The following KCNG2 variants were observed in gnomAD, a reference collection of about 807,000 sequenced individuals.
KCNG2 encodes the protein potassium voltage-gated channel modifier subfamily G member 2.
Under a neutral mutation model 12.3 loss-of-function variants are expected in KCNG2, and 7 were observed. The ratio of observed to expected loss-of-function variants is 0.57; its 90% CI spans 0.32 to 1.07. The LOEUF is 1.07. Ranked by LOEUF, KCNG2 falls within the 50% of genes least tolerant of loss-of-function variation. The pLI is 0.04. For missense variants in KCNG2, 703 were observed against 726.0 expected (o/e 0.97, Z 0.36); for synonymous variants, 414 against 351.4 (o/e 1.18, Z -1.99).
rs982502153 is a variant in KCNG2 at position 79,821,271 on chromosome 18, C to A, written c.-115+23257C>A. On this transcript the variant is annotated intron_variant, in intron 1 of 3. Transcript: ENST00000316249. ...TTTATCTGTAAATTTTGGCCGTCAA[C>A]CCATTTTTACTTGAATTTTTTTTTT... is the stretch of plus-strand genomic sequence containing the variant. 2.0e-5 allele frequency among the ~76,000 whole-genome samples: 3 copies of A among 147,298 alleles called. No individual in the cohort carries two copies. The South Asian group carries it at 6.4e-4, about 31-fold the overall frequency.
At chr18:79,890,917 T>G (rs1247102514) in intron 3 of KCNG2, among the ~76,000 whole-genome samples, 2 of 150,778 alleles carry the variant, frequency 1.3e-5, no homozygotes, top group Non-Finnish European at 3.0e-5. Context: ...ATCTCTGCTT[T>G]CACTTCTGAT....
intron 1 of KCNG2, among the ~76,000 whole-genome samples, chr18:79,811,029 A>G (rs2122994875): frequency 6.6e-6 from 1 of 152,358 alleles, no homozygotes; most frequent in East Asian, 1.9e-4. Context: ...GTAACCAAAG[A>G]GGTGTAAGAC....
In KCNG2 at chr18:79,864,266, C is replaced by T. The variant is rs1460624840; in HGVS notation, c.599C>T (p.Pro200Leu). ...GTGGGCCTCTGCCTGAGCACCATGC[C>T]GGACATCCGCGCCGAGGAGGAGCGG... ...TAVGLCLSTM[P>L]DIRAEEERGE... Residue 200 changes from proline to leucine, a missense_variant, in exon 3 of 4, where the codon CCG becomes CTG. Transcript: ENST00000316249. 2.0e-6 allele frequency: 3 copies of T among 1,536,972 alleles called. No individual in the cohort carries two copies. The highest frequency in any genetic ancestry group is 1.7e-6 in the Non-Finnish European group (2 of 1,146,546).
rs1014950115 is a variant in KCNG2 at position 79,822,637 on chromosome 18, C to T, written c.-115+24623C>T. 3.9e-5 allele frequency among the ~76,000 whole-genome samples: 6 copies of T among 152,150 alleles called. No individual in the cohort carries two copies. Among genetic ancestry groups the T allele is most frequent in the African/African-American group, 1.4e-4 (6 of 41,498 alleles). ...TAGAGATGGGGGTCTCGCTGTGTTG[C>T]CCCGGCAGGTCTTGAACTCCTGACC... is the stretch of plus-strand genomic sequence containing the variant. On this transcript the variant is annotated intron_variant, in intron 1 of 3. Coordinates refer to ENST00000316249, the MANE Select transcript of KCNG2 (RefSeq NM_012283.2). This position sits in a 1 kb window ranked among gnomAD's most constrained non-coding sequence, Gnocchi z 4.4.
At position 79,899,723 on chromosome 18, in the gene KCNG2, G is replaced by A. The variant is rs147321722; in HGVS notation, c.1308G>A (p.Ser436=). ...CCCTGCAGGAGGACAGCACGCACTC[G>A]GCCACAGCCACCGAGGACAGCTCGC... ...EPALQEDSTH[S]ATATEDSSQG... The change falls in exon 4 of 4, where the codon TCG becomes TCA. Residue 436 remains serine, a synonymous_variant. Coordinates refer to ENST00000316249, the MANE Select transcript of KCNG2 (RefSeq NM_012283.2). The A allele has an allele frequency of 3.1e-6, 5 of 1,602,136 alleles. No individual in the cohort carries two copies. The highest frequency in any genetic ancestry group is 1.7e-5 in the Admixed American group (1 of 59,308).
At chr18:79,896,275 TA>T in intron 3 of KCNG2, among the ~76,000 whole-genome samples, 1 of 152,224 alleles carries the variant, frequency 6.6e-6, no homozygotes, top group East Asian at 1.9e-4. Flanking sequence ...CCACTAATGA[TA>T]TTTTAAAGTT....
At chr18:79,827,070 G>C (rs1236748422) in intron 1 of KCNG2, among the ~76,000 whole-genome samples, 1 of 152,246 alleles carries the variant, frequency 6.6e-6, no homozygotes, top group Non-Finnish European at 1.5e-5. Flanking sequence ...CGATGCAGGG[G>C]CCGGGCCGCG....
At chr18:79,829,615 G>T (rs1195286460) in intron 1 of KCNG2, among the ~76,000 whole-genome samples, 3 of 152,116 alleles carry the variant, frequency 2.0e-5, no homozygotes, top group Non-Finnish European at 2.9e-5. Context: ...GTCCTTCTCT[G>T]CCTCTCTACA....
intron 3 of KCNG2, among the ~76,000 whole-genome samples, chr18:79,864,541 T>C (rs1247492832): frequency 6.6e-6 from 1 of 152,178 alleles, no homozygotes; most frequent in Non-Finnish European, 1.5e-5. Flanking sequence ...CCAAGTTACA[T>C]TCGGTTTCCG....
chr18:79,801,314 G>T (rs992299812), intron 1 of KCNG2, among the ~76,000 whole-genome samples: 2 of 152,246 alleles, frequency 1.3e-5, no homozygotes, highest in African/African-American at 4.8e-5. Context: ...TGTGAGAACC[G>T]GTACCTGTGA....
chr18:79,853,655 C>T (rs1025482726), intron 1 of KCNG2, among the ~76,000 whole-genome samples: 16 of 152,176 alleles, frequency 1.1e-4, no homozygotes, highest in Admixed American at 1.3e-4. Flanking sequence ...GAGGCTGCAG[C>T]GAGTCAGGAG....
At chr18:79,848,886 C>T (rs963773172) in intron 1 of KCNG2, among the ~76,000 whole-genome samples, 15 of 152,202 alleles carry the variant, frequency 9.9e-5, no homozygotes, top group Non-Finnish European at 2.1e-4. Flanking sequence ...GCCCTCTGTG[C>T]CTCGGTCCGC....
At chr18:79,882,164 G>A (rs954999007) in intron 3 of KCNG2, among the ~76,000 whole-genome samples, 4 of 152,232 alleles carry the variant, frequency 2.6e-5, no homozygotes, top group African/African-American at 9.6e-5. Flanking sequence ...CAGACGTGGC[G>A]TCAGATACGC....
intron 3 of KCNG2, among the ~76,000 whole-genome samples, chr18:79,878,365 ATG>A: frequency 8.4e-6 from 1 of 119,360 alleles, no homozygotes; most frequent in African/African-American, 3.1e-5. Context: ...AGGGCGCCTG[ATG>A]CCCATGTGGC....
intron 3 of KCNG2, among the ~76,000 whole-genome samples, chr18:79,873,437 C>A (rs1461790713): frequency 7.0e-6 from 1 of 143,464 alleles, no homozygotes; most frequent in Admixed American, 7.0e-5. Flanking sequence ...CCCCCCCCCC[C>A]AGCCACCTCC....
At chr18:79,879,012 C>T (rs986903415) in intron 3 of KCNG2, among the ~76,000 whole-genome samples, 3 of 152,230 alleles carry the variant, frequency 2.0e-5, no homozygotes, top group Non-Finnish European at 4.4e-5. Flanking sequence ...CGTCTTTGTA[C>T]CAGCTCCTGG....
chr18:79,864,987 G>C, intron 3 of KCNG2, among the ~76,000 whole-genome samples: 1 of 148,418 alleles, frequency 6.7e-6, no homozygotes, highest in African/African-American at 2.5e-5. Flanking sequence ...TGAGAGGTCT[G>C]TGTGCTGAGA....
intron 1 of KCNG2, among the ~76,000 whole-genome samples, chr18:79,804,570 A>AC (rs2087435153): frequency 6.6e-6 from 1 of 152,184 alleles, no homozygotes; most frequent in Admixed American, 6.5e-5. Context: ...CTGCTGACGC[A>AC]CCGCTGCTTC....
chr18:79,891,737 G>T lies in KCNG2; in HGVS notation c.625-7303G>T, dbSNP rs1300788871. Among the ~76,000 whole-genome samples the T allele has an allele frequency of 2.0e-5, 3 of 152,100 alleles. No individual in the cohort carries two copies. The East Asian group carries it at 5.8e-4, about 29-fold the overall frequency. ...TCTATTGTGGATGGAGAGTATATTTGTATTATTTCTATCCTTTTAAATGTA... is the reference window on the plus strand; with the variant it reads ...TCTATTGTGGATGGAGAGTATATTTTTATTATTTCTATCCTTTTAAATGTA... On this transcript the variant is annotated intron_variant, in intron 3 of 3. Coordinates refer to ENST00000316249, the MANE Select transcript of KCNG2 (RefSeq NM_012283.2).
Sources: allele counts gnomAD v4.1 joint callset (sites outside exome capture counted in the v4.1 genomes callset), GRCh38; gene constraint gnomAD v4.1.1; non-coding constraint Gnocchi (gnomAD v3.1); transcripts MANE v1.5; gene names NCBI Gene and HGNC (gene_info 2026-07-23, HGNC 2026-07-21).